The following HEATR4 variants were observed in gnomAD, a reference collection of about 807,000 sequenced individuals.
HEATR4 encodes the protein HEAT repeat-containing protein 4.
HEATR4 carries 95 observed loss-of-function variants against 108.8 expected under a neutral mutation model. The observed-to-expected ratio is 0.87, with a 90% CI of 0.74 to 1.04. HEATR4 has a LOEUF of 1.04. Ranked by LOEUF, HEATR4 falls within the 50% of genes least tolerant of loss-of-function variation. HEATR4 has a pLI of 0.00. For missense variants in HEATR4, 1,152 were observed against 1,253.8 expected (o/e 0.92, Z 1.23); for synonymous variants, 443 against 459.4 (o/e 0.96, Z 0.46).
At chr14:73,593,506 T>C in the HEATR4 span, among the ~76,000 whole-genome samples, 1 of 139,918 alleles carries the variant, frequency 7.1e-6, no homozygotes, top group Non-Finnish European at 1.6e-5. Context: ...ACTGACTAAT[T>C]AAAAAAAAAA....
chr14:73,560,189 T>C (rs1889497716), upstream of HEATR4, among the ~76,000 whole-genome samples: 1 of 152,110 alleles, frequency 6.6e-6, no homozygotes, highest in African/African-American at 2.4e-5. Context: ...CAGGAAAGAT[T>C]TCTGGGCCTA....
the HEATR4 span, among the ~76,000 whole-genome samples, chr14:73,586,702 GAAA>G: frequency 5.8e-3 from 712 of 123,008 alleles, 8 homozygotes; most frequent in African/African-American, 0.018. Context: ...GACTCTGTCT[GAAA>G]AAAAAAAAAA....
chr14:73,513,722 C>T lies in HEATR4; in HGVS notation c.1414+309G>A, dbSNP rs186773795. Among the ~76,000 whole-genome samples the T allele has an allele frequency of 1.7e-3, 163 of 93,670 alleles. 1 individual carries two copies. Among genetic ancestry groups the T allele is most frequent in the Admixed American group, 2.7e-3 (16 of 5,992 alleles). The allele number at this position is 93,670 out of a possible 152,430, so 61.5% of individuals were successfully genotyped here. The stretch of plus-strand genomic sequence containing the variant: ...AGCCAAGGCAACAAGAGCGAAACTA[C>T]GTCTCCAAAAAAAAAAAAAAAAAAA... On this transcript the variant is annotated intron_variant, in intron 6 of 17. Transcript: ENST00000553558.
chr14:73,588,819 A>C, the HEATR4 span, among the ~76,000 whole-genome samples: 1 of 152,212 alleles, frequency 6.6e-6, no homozygotes, highest in Non-Finnish European at 1.5e-5. Context: ...AAAAGTTAAA[A>C]AAAAATTAAG....
chr14:73,628,343 T>G, the HEATR4 span, among the ~76,000 whole-genome samples: 1 of 152,204 alleles, frequency 6.6e-6, no homozygotes, highest in Non-Finnish European at 1.5e-5. Flanking sequence ...GGGATCTTGC[T>G]AGGTTGGCCA....
At chr14:73,525,782 A>G (rs1595139785) in intron 2 of HEATR4, among the ~76,000 whole-genome samples, 1 of 152,046 alleles carries the variant, frequency 6.6e-6, no homozygotes, top group South Asian at 2.1e-4. Context: ...GAGAAACCCC[A>G]TCTCTACTAA....
chr14:73,536,006 C>T (rs1460111184), intron 1 of HEATR4, among the ~76,000 whole-genome samples: 6 of 114,990 alleles, frequency 5.2e-5, no homozygotes, highest in African/African-American at 1.7e-4. Flanking sequence ...TATTATTTAC[C>T]TTCTTTAGTT....
the HEATR4 span, among the ~76,000 whole-genome samples, chr14:73,597,597 T>TC: frequency 7.0e-6 from 1 of 141,912 alleles, no homozygotes. Flanking sequence ...TTTTCTTTTT[T>TC]TTTTTTTTTT....
chr14:73,583,435 C>T, the HEATR4 span, among the ~76,000 whole-genome samples: 1 of 151,886 alleles, frequency 6.6e-6, no homozygotes, highest in Admixed American at 6.6e-5. Flanking sequence ...AATTTTCTAG[C>T]CCTTTACCCT....
chr14:73,593,990 T>C, the HEATR4 span: 2 of 1,240,302 alleles, frequency 1.6e-6, no homozygotes, highest in South Asian at 3.6e-5. Context: ...GAAATGCTGC[T>C]CTGTTCCTCT....
At chr14:73,508,998 C>T (rs1251617590) in intron 8 of HEATR4, among the ~76,000 whole-genome samples, 1 of 151,900 alleles carries the variant, frequency 6.6e-6, no homozygotes, top group African/African-American at 2.4e-5. Flanking sequence ...TCCTAGGTAG[C>T]TGGGTCTACA....
At chr14:73,534,807 CTT>C (rs553194860) in intron 1 of HEATR4, among the ~76,000 whole-genome samples, 17 of 93,814 alleles carry the variant, frequency 1.8e-4, no homozygotes, top group East Asian at 8.2e-4. Context: ...ATCTTTTCTG[CTT>C]TTTTTTTTTT....
At chr14:73,551,201 A>G (rs144122941) in intron 1 of HEATR4, among the ~76,000 whole-genome samples, 3,327 of 113,730 alleles carry the variant, frequency 0.029, 482 homozygotes, top group African/African-American at 0.091. Flanking sequence ...ACCTCCTGAA[A>G]ATTTAATCCC....
At chr14:73,503,696 G>C (rs1035584791) in intron 10 of HEATR4, among the ~76,000 whole-genome samples, 4 of 152,112 alleles carry the variant, frequency 2.6e-5, no homozygotes, top group African/African-American at 4.8e-5. Context: ...CCCCTTGTAA[G>C]CACAGGAAAT....
At position 73,500,558 on chromosome 14, in the gene HEATR4, C is replaced by A; in HGVS notation, c.2278G>T (p.Asp760Tyr). The A allele has an allele frequency of 6.2e-7, 1 of 1,612,630 alleles. No homozygotes were observed. Among genetic ancestry groups the A allele is most frequent in the South Asian group, 1.1e-5 (1 of 90,976 alleles). Residue 760 changes from aspartate to tyrosine, a missense_variant, in exon 12 of 18, where the codon GAC becomes TAC. Physicochemically the swap from Asp to Tyr is radical, Grantham distance 160. Coordinates refer to ENST00000553558, the MANE Select transcript of HEATR4 (RefSeq NM_001220484.1). ...CLAAGALQIR[D>Y]KMVLECLLNL... ...ATGTTTCCCTGACTCACCATCTTGTCGCGGATCTGCAGGGCACCAGCTGCC... is the reference window on the plus strand; with the variant it reads ...ATGTTTCCCTGACTCACCATCTTGTAGCGGATCTGCAGGGCACCAGCTGCC...
chr14:73,597,094 A>ATTTATTTATTTATTTTTTT, the HEATR4 span, among the ~76,000 whole-genome samples: 1 of 149,326 alleles, frequency 6.7e-6, no homozygotes, highest in African/African-American at 2.5e-5. Flanking sequence ...TTATTTATTT[A>ATTTATTTATTTATTTTTTT]TTTTTTTGAG....
chr14:73,498,198 A>G lies in HEATR4; in HGVS notation c.2503T>C (p.Phe835Leu), dbSNP rs370727396. ...TTCTCCAGGAGCAGCACGTCTAGGA[A>G]GGTGTCCCTGACCCGGTCCCCTTGA... is the stretch of plus-strand genomic sequence containing the variant. ...KLQGDRVRDTFLDVLLLENHD... is the reference protein window; with the variant it reads ...KLQGDRVRDTLLDVLLLENHD... Residue 835 changes from phenylalanine to leucine, a missense_variant, in exon 14 of 18, where the codon TTC (phenylalanine) becomes CTC (leucine). Phe to Leu is a conservative substitution (Grantham distance 22, BLOSUM62 0). Coordinates refer to ENST00000553558, the MANE Select transcript of HEATR4 (RefSeq NM_001220484.1). 55 of 1,613,908 alleles carry G rather than the reference A, an allele frequency of 3.4e-5. No homozygotes were observed. In the African/African-American group the frequency reaches 5.7e-4, roughly 17 times the overall value.
chr14:73,537,448 C>T lies in HEATR4; in HGVS notation c.-151-7204G>A, dbSNP rs551781977. On this transcript the variant is annotated intron_variant, in intron 1 of 17. Transcript: ENST00000553558. The stretch of plus-strand genomic sequence containing the variant: ...TGGCGGCGACGCTGATCCTGGAGCC[C>T]GCGGGCCGCTGCTGCTGGGACGAAC... 538 of 1,230,140 alleles carry T rather than the reference C, an allele frequency of 4.4e-4. 149 individuals carry two copies. In the South Asian group the frequency reaches 6.5e-3, roughly 15 times the overall value. The allele number at this position is 1,230,140 out of a possible 1,614,324, so 76.2% of individuals were successfully genotyped here. A position where few individuals can be genotyped will look rare whatever the true frequency, so the allele number is the denominator to read the frequency against.
At position 73,508,221 on chromosome 14, in the gene HEATR4, C is replaced by T. The variant is rs746299059; in HGVS notation, c.1794G>A (p.Lys598=). The T allele has an allele frequency of 3.3e-5, 53 of 1,613,940 alleles. No individual in the cohort carries two copies. The highest frequency in any genetic ancestry group is 4.4e-5 in the Non-Finnish European group (52 of 1,179,948). ...LEGTATYPVI[K]RILHQLFTKK... ...TTGTAAACAGCTGGTGGAGGATCCT[C>T]TTAATCACAGGGTAAGTAGCAGTAC... Residue 598 remains lysine, a synonymous_variant, in exon 9 of 18, where the codon AAG becomes AAA. Transcript: ENST00000553558.
Sources: allele counts gnomAD v4.1 joint callset (sites outside exome capture counted in the v4.1 genomes callset), GRCh38; gene constraint gnomAD v4.1.1; transcripts MANE v1.5; gene names NCBI Gene and HGNC (gene_info 2026-07-23, HGNC 2026-07-21).